The following CPEB3 variants were observed in gnomAD, a reference collection of about 807,000 sequenced individuals.
CPEB3 encodes cytoplasmic polyadenylation element binding protein 3.
In CPEB3, 20 loss-of-function variants were observed where a neutral mutation model predicts 67.2. That is an observed-to-expected ratio of 0.30 (90% confidence interval 0.21 to 0.43). The LOEUF (loss-of-function observed/expected upper bound fraction) is 0.43. Among genes scored for constraint, CPEB3 ranks in the 20% least tolerant of loss-of-function variants. The pLI is 1.00. For synonymous variants in CPEB3, 376 were observed against 393.1 expected (o/e 0.96, Z 0.51); for missense variants, 746 against 968.6 (o/e 0.77, Z 3.05).
chr10:92,049,579 C>G lies in CPEB3; in HGVS notation c.*2633G>C, dbSNP rs1015951693. On this transcript the variant is annotated 3_prime_UTR_variant, in exon 10 of 10. Transcript: ENST00000265997. Reference sequence around the variant, plus strand: ...ACAATCCTGGTCAGTCGCGCACAATCAACACTTGATTAGAAATATACAAAT... The same window carrying G: ...ACAATCCTGGTCAGTCGCGCACAATGAACACTTGATTAGAAATATACAAAT... 1.3e-5 allele frequency: 2 copies of G among 152,584 alleles called. No homozygotes were observed. Among genetic ancestry groups the G allele is most frequent in the African/African-American group, 2.4e-5 (1 of 41,444 alleles). 9.5% of individuals were successfully genotyped at this position (152,584 alleles called of 1,614,324 possible). A position where few individuals can be genotyped will look rare whatever the true frequency, so the allele number is the denominator to read the frequency against.
chr10:92,213,685 G>A (rs989971971), intron 2 of CPEB3, among the ~76,000 whole-genome samples: 2 of 152,224 alleles, frequency 1.3e-5, no homozygotes, highest in East Asian at 1.9e-4. Context: ...GGTCTTTAAA[G>A]CAGATTTTAA....
At chr10:92,108,103 G>C (rs1411388532) in intron 7 of CPEB3, among the ~76,000 whole-genome samples, 1 of 152,140 alleles carries the variant, frequency 6.6e-6, no homozygotes. Flanking sequence ...AAAGATAAAG[G>C]GTAGAAAATC....
intron 6 of CPEB3, among the ~76,000 whole-genome samples, chr10:92,117,324 CTTTTTTTTTT>C (rs35220275): frequency 3.8e-5 from 3 of 79,956 alleles, no homozygotes; most frequent in African/African-American, 1.6e-4. Flanking sequence ...GCCTGGCTGA[CTTTTTTTTTT>C]TTTTTTTTTT....
At chr10:92,057,052 G>A (rs1842138287) in intron 9 of CPEB3, among the ~76,000 whole-genome samples, 2 of 152,292 alleles carry the variant, frequency 1.3e-5, no homozygotes, top group South Asian at 4.1e-4. Flanking sequence ...AGAGCCCTTG[G>A]GCCCTGAATA....
chr10:92,153,808 T>C (rs1847077112), intron 4 of CPEB3, among the ~76,000 whole-genome samples: 1 of 152,034 alleles, frequency 6.6e-6, no homozygotes, highest in South Asian at 2.1e-4. Context: ...AACAAAAATA[T>C]TGGCATAGCC....
chr10:92,283,693 T>C (rs574063753), intron 1 of CPEB3, among the ~76,000 whole-genome samples: 6 of 151,536 alleles, frequency 4.0e-5, no homozygotes, highest in Non-Finnish European at 8.8e-5. Context: ...TCCTACAGAA[T>C]GGGGTCTATT....
rs189219584 is a variant in CPEB3, at chr10:92,196,306, G to A, written c.1006-3670C>T. Reference sequence around the variant, plus strand: ...AACAAGCCTGGCTACCTTGCAGAGGGTCAGTTTTGCAGTCTTCTGATTTAC... The same window carrying A: ...AACAAGCCTGGCTACCTTGCAGAGGATCAGTTTTGCAGTCTTCTGATTTAC... On this transcript the variant is annotated intron_variant, in intron 2 of 9. Transcript: ENST00000265997. 2.0e-5 allele frequency among the ~76,000 whole-genome samples: 3 copies of A among 152,316 alleles called. No individual in the cohort carries two copies. In the East Asian group the frequency reaches 5.8e-4, roughly 29 times the overall value.
intron 6 of CPEB3, among the ~76,000 whole-genome samples, chr10:92,136,550 GA>G (rs1413829341): frequency 1.5e-4 from 23 of 152,016 alleles, no homozygotes; most frequent in African/African-American, 5.6e-4. Flanking sequence ...GATCATGTCT[GA>G]GAGTGAGTAT....
chr10:92,192,699 A>C, intron 2 of CPEB3, 63 bp from the exon 3 acceptor site: 6 of 1,279,914 alleles, frequency 4.7e-6, no homozygotes, highest in Non-Finnish European at 6.4e-6. Flanking sequence ...ACACCATATC[A>C]TTTGCTTCCT....
intron 7 of CPEB3, among the ~76,000 whole-genome samples, chr10:92,101,769 G>T (rs1358442699): frequency 6.6e-6 from 1 of 152,122 alleles, no homozygotes; most frequent in African/African-American, 2.4e-5. Context: ...TTAGCTGGGC[G>T]TGGTGGTATG....
rs1020267354 is a variant in CPEB3, at chr10:92,255,355, T to C, written c.-11-14994A>G. On this transcript the variant is annotated intron_variant, in intron 1 of 9. Coordinates refer to ENST00000265997, the MANE Select transcript of CPEB3 (RefSeq NM_014912.5). ...CCCCAACTTACTGCAGTCTGGCTTC[T>C]GCCCCTACCATTCTACAAAAATTGC... Among the ~76,000 whole-genome samples the C allele has an allele frequency of 1.3e-4, 20 of 152,236 alleles. 1 individual carries two copies. The highest frequency in any genetic ancestry group is 4.1e-4 in the African/African-American group (17 of 41,472).
chr10:92,248,799 C>T (rs1478781821), intron 1 of CPEB3, among the ~76,000 whole-genome samples: 3 of 152,272 alleles, frequency 2.0e-5, no homozygotes, highest in South Asian at 4.1e-4. Flanking sequence ...TTATAATAGA[C>T]GCCCTGAGCT....
chr10:92,263,995 G>A (rs909864515), intron 1 of CPEB3, among the ~76,000 whole-genome samples: 5 of 151,928 alleles, frequency 3.3e-5, no homozygotes, highest in African/African-American at 1.2e-4. Flanking sequence ...AAAGATGGAA[G>A]CTATCATTCT....
At chr10:92,073,656 C>T (rs1452435203) in intron 9 of CPEB3, among the ~76,000 whole-genome samples, 7 of 151,946 alleles carry the variant, frequency 4.6e-5, no homozygotes, top group Admixed American at 4.6e-4. Context: ...TTATGTTGCC[C>T]AGGCTGGTCT....
chr10:92,145,495 G>T (rs1846635274), intron 4 of CPEB3, among the ~76,000 whole-genome samples: 2 of 152,242 alleles, frequency 1.3e-5, no homozygotes, highest in East Asian at 3.9e-4. Flanking sequence ...CGGACATGGT[G>T]GTGCATGCAT....
At chr10:92,168,846 A>G (rs1590290594) in intron 4 of CPEB3, among the ~76,000 whole-genome samples, 1 of 123,808 alleles carries the variant, frequency 8.1e-6, no homozygotes. Flanking sequence ...CCCAGGCTGG[A>G]GTGCAATGGT....
intron 1 of CPEB3, among the ~76,000 whole-genome samples, chr10:92,284,554 T>C (rs1842446441): frequency 6.6e-6 from 1 of 152,162 alleles, no homozygotes; most frequent in Non-Finnish European, 1.5e-5. Flanking sequence ...CGCTGTTCTT[T>C]GGCCTGGAAT....
intron 6 of CPEB3, chr10:92,118,954 G>C (rs1164294118): frequency 2.2e-6 from 3 of 1,350,174 alleles, no homozygotes; most frequent in Non-Finnish European, 3.2e-6. Context: ...AGTCTTATTT[G>C]GAGCTGGTGA....
At chr10:92,225,641 T>A (rs1282728886) in intron 2 of CPEB3, among the ~76,000 whole-genome samples, 1 of 152,228 alleles carries the variant, frequency 6.6e-6, no homozygotes, top group Non-Finnish European at 1.5e-5. Context: ...ATCATCAAAA[T>A]GTTTATAAAT....
Sources: gnomAD v4.1 joint callset for allele counts (sites outside exome capture counted in the v4.1 genomes callset) on GRCh38, gnomAD v4.1.1 for gene constraint, MANE v1.5 for transcripts, NCBI Gene and HGNC (gene_info 2026-07-23, HGNC 2026-07-21) for gene names.